Variants in IRAK1BP1 observed in about 807,000 individuals in gnomAD.
The protein encoded by IRAK1BP1 is interleukin-1 receptor-associated kinase 1-binding protein 1.
A neutral mutation model predicts 28.0 loss-of-function variants in IRAK1BP1; 24 were observed. The ratio of observed to expected loss-of-function variants is 0.86; its 90% CI spans 0.62 to 1.20. The LOEUF (loss-of-function observed/expected upper bound fraction) is 1.20. Ranked by LOEUF, IRAK1BP1 falls within the 50% of genes most tolerant of loss-of-function variation. IRAK1BP1 has a pLI of 0.00. For synonymous variants in IRAK1BP1, 131 were observed against 116.3 expected (o/e 1.13, Z -0.81); for missense variants, 336 against 316.7 (o/e 1.06, Z -0.46).
At chr6:78,935,669 C>A in intron 4 of IRAK1BP1, 11 of 984,012 alleles carry the variant, frequency 1.1e-5, no homozygotes, top group Non-Finnish European at 1.3e-5. Flanking sequence ...TTTCGGCACC[C>A]AAATATCTTT....
At chr6:78,884,315 A>G (rs1771335769) in intron 1 of IRAK1BP1, among the ~76,000 whole-genome samples, 1 of 152,174 alleles carries the variant, frequency 6.6e-6, no homozygotes. Flanking sequence ...TATTGATTTA[A>G]CATATATTTT....
At chr6:78,906,021 G>A (rs1215379443), downstream of IRAK1BP1, among the ~76,000 whole-genome samples, 1 of 152,168 alleles carries the variant, frequency 6.6e-6, no homozygotes, top group South Asian at 2.1e-4. Flanking sequence ...ATGATCAGCA[G>A]TATGGGATGT....
intron 2 of IRAK1BP1, among the ~76,000 whole-genome samples, chr6:78,896,386 C>T (rs1771882894): frequency 6.8e-6 from 1 of 147,092 alleles, no homozygotes; most frequent in African/African-American, 2.5e-5. Context: ...TACTATTCAG[C>T]ATAAAAGGAA....
At chr6:78,968,757 A>C in the IRAK1BP1 span, among the ~76,000 whole-genome samples, 3 of 152,110 alleles carry the variant, frequency 2.0e-5, no homozygotes, top group East Asian at 5.8e-4. Context: ...CATTTTTTTA[A>C]TGCTTGGTTT....
At chr6:78,934,337 T>C (rs181268098) in intron 4 of IRAK1BP1, among the ~76,000 whole-genome samples, 3 of 152,342 alleles carry the variant, frequency 2.0e-5, no homozygotes, top group African/African-American at 4.8e-5. Flanking sequence ...TCACCTGCTG[T>C]TGGAAAAATG....
chr6:78,890,416 A>G (rs1307065640), intron 2 of IRAK1BP1, among the ~76,000 whole-genome samples: 1 of 44,888 alleles, frequency 2.2e-5, no homozygotes, highest in Non-Finnish European at 5.9e-5. Flanking sequence ...GTATAAGTTA[A>G]AAAAAAAAAA....
chr6:78,919,947 C>G (rs1036155268), intron 4 of IRAK1BP1, among the ~76,000 whole-genome samples: 5 of 152,150 alleles, frequency 3.3e-5, no homozygotes, highest in African/African-American at 1.2e-4. Context: ...CAAACTGCAT[C>G]CAGCAGCACA....
chr6:78,890,767 A>G (rs1361322310), intron 2 of IRAK1BP1, among the ~76,000 whole-genome samples: 1 of 152,240 alleles, frequency 6.6e-6, no homozygotes, highest in Non-Finnish European at 1.5e-5. Context: ...TGTCTAATCT[A>G]GAAATCCTTA....
At chr6:78,955,171 A>G in the IRAK1BP1 span, 1 of 1,165,784 alleles carries the variant, frequency 8.6e-7, no homozygotes, top group Non-Finnish European at 1.2e-6. Context: ...AAAAATAAAG[A>G]AAGCTCTTAA....
chr6:78,867,794 G>T lies in IRAK1BP1; in HGVS notation c.218G>T (p.Arg73Leu). The change falls in exon 1 of 4, where the codon CGA becomes CTA. Residue 73 changes from arginine to leucine, a missense_variant. By Grantham distance (102) the Arg-to-Leu change is moderately radical. Coordinates refer to ENST00000369940, the MANE Select transcript of IRAK1BP1 (RefSeq NM_001010844.4). ...CCTGACCGGGCGCAGGTGGTGGTGCGAGTGAGCAGCACCAAGGAGGCGGCA... is the reference window on the plus strand; with the variant it reads ...CCTGACCGGGCGCAGGTGGTGGTGCTAGTGAGCAGCACCAAGGAGGCGGCA... ...AGPDRAQVVV[R>L]VSSTKEAAAE... The T allele has an allele frequency of 1.2e-6, 2 of 1,613,700 alleles. No homozygotes were observed. The highest frequency in any genetic ancestry group is 1.6e-4 in the Middle Eastern group (1 of 6,062).
downstream of IRAK1BP1, chr6:78,947,487 T>C (rs1389208018): frequency 1.8e-6 from 1 of 542,400 alleles, no homozygotes; most frequent in Non-Finnish European, 3.2e-6. Context: ...GTATAATTTC[T>C]TTTTCCAGTA....
rs761346418 is a variant in IRAK1BP1 at position 78,897,919 on chromosome 6, C to A, written c.472C>A (p.Pro158Thr). The A allele has an allele frequency of 6.2e-6, 10 of 1,613,868 alleles. No individual in the cohort carries two copies. In the East Asian group the frequency reaches 2.2e-4, roughly 36 times the overall value. ...KLDSSVVISP[P>T]QFYHTPGSVE... ...AGATAGCTCTGTTGTCATCAGCCCA[C>A]CCCAGTTCTATCATACTCCAGGTTC... The change falls in exon 3 of 4, where the codon CCC (proline) becomes ACC (threonine). Residue 158 changes from proline to threonine, a missense_variant. Pro to Thr is a conservative substitution (Grantham distance 38, BLOSUM62 -1). Coordinates refer to ENST00000369940, the MANE Select transcript of IRAK1BP1 (RefSeq NM_001010844.4).
At chr6:78,925,978 T>G (rs1243488830) in intron 4 of IRAK1BP1, among the ~76,000 whole-genome samples, 1 of 151,786 alleles carries the variant, frequency 6.6e-6, no homozygotes, top group Non-Finnish European at 1.5e-5. Context: ...AAGCGGAAAA[T>G]AAGCACTGAT....
chr6:78,913,464 G>A (rs150468864), intron 4 of IRAK1BP1, among the ~76,000 whole-genome samples: 220 of 152,248 alleles, frequency 1.4e-3, no homozygotes, highest in African/African-American at 4.9e-3. Context: ...TGGCCAATGC[G>A]GTGAAACCCC....
At chr6:78,875,397 A>G (rs1238319409) in intron 1 of IRAK1BP1, among the ~76,000 whole-genome samples, 2 of 152,200 alleles carry the variant, frequency 1.3e-5, no homozygotes, top group Admixed American at 6.5e-5. Flanking sequence ...CCCAAAGGTA[A>G]ATAAATCGTT....
intron 1 of IRAK1BP1, among the ~76,000 whole-genome samples, chr6:78,875,976 C>T (rs1770989060): frequency 6.6e-6 from 1 of 151,994 alleles, no homozygotes; most frequent in African/African-American, 2.4e-5. Flanking sequence ...AATTTTATTC[C>T]TATGAAAATA....
intron 4 of IRAK1BP1, chr6:78,940,909 T>A: frequency 6.2e-7 from 1 of 1,613,836 alleles, no homozygotes; most frequent in Non-Finnish European, 8.5e-7. Context: ...CTTCCTCATC[T>A]ATAGGATCAT....
intron 1 of IRAK1BP1, among the ~76,000 whole-genome samples, chr6:78,881,954 A>G (rs1771244637): frequency 6.6e-6 from 1 of 152,130 alleles, no homozygotes; most frequent in South Asian, 2.1e-4. Context: ...ACCTTTGTAT[A>G]TTGTACAGGT....
At chr6:78,906,250 G>A (rs1045695203), downstream of IRAK1BP1, among the ~76,000 whole-genome samples, 5 of 151,802 alleles carry the variant, frequency 3.3e-5, no homozygotes, top group African/African-American at 1.2e-4. Context: ...GAGTAACCTA[G>A]TTTATTTTGC....
Sources: gnomAD v4.1 joint callset for allele counts (sites outside exome capture counted in the v4.1 genomes callset) on GRCh38, gnomAD v4.1.1 for gene constraint, MANE v1.5 for transcripts, NCBI Gene and HGNC (gene_info 2026-07-23, HGNC 2026-07-21) for gene names.